ITPKB: variants seen among roughly 807,000 people sequenced by gnomAD.
ITPKB encodes IP3 3-kinase B.
ITPKB carries 13 observed loss-of-function variants against 69.4 expected under a neutral mutation model. The ratio of observed to expected loss-of-function variants is 0.19; its 90% CI spans 0.12 to 0.30. The LOEUF (loss-of-function observed/expected upper bound fraction) is 0.30, where lower values mean the gene tolerates loss of function less well. ITPKB is among the 10% of genes least tolerant of loss of function. The pLI is 1.00. For missense variants in ITPKB, 1,240 were observed against 1,250.5 expected (o/e 0.99, Z 0.13); for synonymous variants, 584 against 513.7 (o/e 1.14, Z -1.85).
At chr1:226,733,875 CG>C (rs1416354966) in intron 2 of ITPKB, among the ~76,000 whole-genome samples, 3 of 152,124 alleles carry the variant, frequency 2.0e-5, no homozygotes, top group Non-Finnish European at 4.4e-5. Context: ...TTTCAAACAT[CG>C]GGACACAAAC....
At chr1:226,649,058 C>A (rs1017594805) in intron 2 of ITPKB, among the ~76,000 whole-genome samples, 19 of 152,228 alleles carry the variant, frequency 1.2e-4, no homozygotes, top group African/African-American at 4.3e-4. Context: ...CCAGCCGCAC[C>A]ACATTAGTTC....
chr1:226,656,431 C>CA (rs1289930475), intron 2 of ITPKB, among the ~76,000 whole-genome samples: 2 of 152,284 alleles, frequency 1.3e-5, no homozygotes, highest in African/African-American at 4.8e-5. Flanking sequence ...ATTTCCTTAT[C>CA]AGGGCCCTGA....
At chr1:226,664,500 G>A (rs1669460934) in intron 2 of ITPKB, among the ~76,000 whole-genome samples, 2 of 152,210 alleles carry the variant, frequency 1.3e-5, no homozygotes, top group Admixed American at 1.3e-4. Context: ...TCTGTCCCAG[G>A]GAGAAGGACT....
intron 2 of ITPKB, among the ~76,000 whole-genome samples, chr1:226,685,436 A>G (rs1416636725): frequency 1.3e-5 from 2 of 152,132 alleles, no homozygotes; most frequent in Non-Finnish European, 1.5e-5. Context: ...TCAACTTGGA[A>G]TCATCTTTCC....
At chr1:226,638,631 A>C (rs1275209235) in intron 6 of ITPKB, among the ~76,000 whole-genome samples, 1 of 152,120 alleles carries the variant, frequency 6.6e-6, no homozygotes, top group African/African-American at 2.4e-5. Flanking sequence ...GCATCTATCC[A>C]GTCTGCGAGC....
At chr1:226,678,474 C>G (rs1655967981) in intron 2 of ITPKB, among the ~76,000 whole-genome samples, 1 of 152,208 alleles carries the variant, frequency 6.6e-6, no homozygotes. Flanking sequence ...TTAGTCTAGT[C>G]TAGTGGTTAG....
intron 2 of ITPKB, among the ~76,000 whole-genome samples, chr1:226,725,628 G>A (rs1253135728): frequency 6.6e-6 from 1 of 152,150 alleles, no homozygotes; most frequent in African/African-American, 2.4e-5. Context: ...TCAGCAGCTG[G>A]CAGCCCTGTT....
chr1:226,645,556 G>A (rs1424817248), intron 4 of ITPKB, among the ~76,000 whole-genome samples: 3 of 152,196 alleles, frequency 2.0e-5, no homozygotes, highest in Admixed American at 6.5e-5. Context: ...CACACAGGCC[G>A]TACTTTTTTG....
Position 226,737,324 on chromosome 1 carries a change from G to T in ITPKB, c.135C>A (p.Gly45=). The change falls in exon 2 of 8, where the codon GGC becomes GGA. Residue 45 remains glycine, a synonymous_variant. Coordinates refer to ENST00000429204, the MANE Select transcript of ITPKB (RefSeq NM_002221.4). ...PPPRRAVLSP[G]SVFSPGRGAS... ...CGCCTCTCCCGGGGCTGAAAACGCT[G>T]CCGGGGCTCAGCACTGCCCTCCTCG... 1 of 1,594,292 alleles carries T rather than the reference G, an allele frequency of 6.3e-7. No homozygotes were observed.
Position 226,703,704 on chromosome 1 carries a change from C to A in ITPKB, c.1932+31823G>T, listed in dbSNP as rs573722831. On this transcript the variant is annotated intron_variant, in intron 2 of 7. Transcript: ENST00000429204. Reference sequence around the variant, plus strand: ...CGGGGCTTGAAATGCTGACCTGCACCCCTGGCTTGCGCTCCCCCAGGCGGG... The same window carrying A: ...CGGGGCTTGAAATGCTGACCTGCACACCTGGCTTGCGCTCCCCCAGGCGGG... Among the ~76,000 whole-genome samples the A allele has an allele frequency of 8.5e-5, 13 of 152,364 alleles. No homozygotes were observed. The East Asian group carries it at 2.5e-3, about 29-fold the overall frequency.
At chr1:226,667,144 C>T (rs1669517954) in intron 2 of ITPKB, among the ~76,000 whole-genome samples, 1 of 152,196 alleles carries the variant, frequency 6.6e-6, no homozygotes, top group Admixed American at 6.5e-5. Flanking sequence ...ATACCTCACA[C>T]ACGCATCTGC....
At chr1:226,727,159 C>A (rs558240441) in intron 2 of ITPKB, among the ~76,000 whole-genome samples, 1 of 152,142 alleles carries the variant, frequency 6.6e-6, no homozygotes, top group Non-Finnish European at 1.5e-5. Flanking sequence ...ATAGCTAACG[C>A]GTAAGAGCAT....
chr1:226,656,084 C>A (rs1053369451), intron 2 of ITPKB, among the ~76,000 whole-genome samples: 4 of 152,232 alleles, frequency 2.6e-5, no homozygotes, highest in Non-Finnish European at 5.9e-5. Context: ...CAGGACTTAG[C>A]TAACTCCTGT....
At chr1:226,664,355 C>T (rs1011580984) in intron 2 of ITPKB, among the ~76,000 whole-genome samples, 10 of 152,226 alleles carry the variant, frequency 6.6e-5, no homozygotes, top group African/African-American at 2.4e-4. Flanking sequence ...CTTGGGGCCT[C>T]TAGGCTCAGG....
chr1:226,671,516 G>A (rs868529617), intron 2 of ITPKB, among the ~76,000 whole-genome samples: 13 of 152,212 alleles, frequency 8.5e-5, no homozygotes, highest in African/African-American at 3.1e-4. Flanking sequence ...ATTTAGCAGT[G>A]AACACAACGA....
At chr1:226,713,413 T>C (rs1294619927) in intron 2 of ITPKB, among the ~76,000 whole-genome samples, 2 of 152,164 alleles carry the variant, frequency 1.3e-5, no homozygotes, top group African/African-American at 4.8e-5. Context: ...TTATTTTTGT[T>C]TCTCTAAGGC....
rs1668788014 is a variant in ITPKB, at chr1:226,634,508, T to TA, written c.*162dup. The TA allele has an allele frequency of 1.7e-6, 1 of 597,146 alleles. No homozygotes were observed. Among genetic ancestry groups the TA allele is most frequent in the African/African-American group, 1.9e-5 (1 of 53,750 alleles). 37.0% of individuals were successfully genotyped at this position (597,146 alleles called of 1,614,324 possible). ...AAACACCACCTCCAAGCCCTGAAGT[T>TA]AGGAAAATGACTAGAAACTCTCATC... On this transcript the variant is annotated 3_prime_UTR_variant, in exon 8 of 8. Transcript: ENST00000429204. The surrounding 1 kb of genome is among the most constrained non-coding windows in gnomAD (Gnocchi z 6.3).
At chr1:226,723,338 GGACCTGA>G (rs1348900896) in intron 2 of ITPKB, among the ~76,000 whole-genome samples, 1 of 152,152 alleles carries the variant, frequency 6.6e-6, no homozygotes, top group Non-Finnish European at 1.5e-5. Flanking sequence ...AGAGCCACCT[GGACCTGA>G]GTCCCTGTGA....
intron 2 of ITPKB, among the ~76,000 whole-genome samples, chr1:226,696,455 T>C (rs905525018): frequency 3.9e-5 from 6 of 152,178 alleles, no homozygotes; most frequent in African/African-American, 4.8e-5. Context: ...TTTACTATCT[T>C]GGACACCGGC....
Sources: gnomAD v4.1 joint callset for allele counts (sites outside exome capture counted in the v4.1 genomes callset) on GRCh38, gnomAD v4.1.1 for gene constraint, Gnocchi (gnomAD v3.1) non-coding constraint, MANE v1.5 for transcripts, NCBI Gene and HGNC (gene_info 2026-07-23, HGNC 2026-07-21) for gene names.